The following TSPAN16 variants were observed in gnomAD, a reference collection of about 807,000 sequenced individuals.
The protein encoded by TSPAN16 is tetraspanin-16.
Under a neutral mutation model 25.2 loss-of-function variants are expected in TSPAN16, and 23 were observed. The observed-to-expected ratio is 0.91, with a 90% CI of 0.66 to 1.29. The LOEUF is 1.29. Ranked by LOEUF, TSPAN16 falls within the 50% of genes most tolerant of loss-of-function variation. The pLI is 0.00. For missense variants in TSPAN16, 272 were observed against 299.9 expected (o/e 0.91, Z 0.69); for synonymous variants, 123 against 124.4 (o/e 0.99, Z 0.08).
Position 11,312,031 on chromosome 19 carries a change from A to G in TSPAN16, c.604-108A>G, listed in dbSNP as rs2080697338. ...CACGGCTCTCTCCCCGCTTCTCCTC[A>G]AAGAATCTGAGAGTCGTCTGAGTGG... is the stretch of plus-strand genomic sequence containing the variant. On this transcript the variant is annotated intron_variant, in intron 5 of 6. Transcript: ENST00000590327. 7 of 807,544 alleles carry G rather than the reference A, an allele frequency of 8.7e-6. No individual in the cohort carries two copies. In the East Asian group the frequency reaches 1.6e-4, roughly 19 times the overall value. The allele number at this position is 807,544 out of a possible 1,614,324, so 50.0% of individuals were successfully genotyped here. A position where few individuals can be genotyped will look rare whatever the true frequency, so the allele number is the denominator to read the frequency against.
chr19:11,314,804 G>A (rs1001299958), intron 6 of TSPAN16, among the ~76,000 whole-genome samples: 3 of 152,070 alleles, frequency 2.0e-5, no homozygotes, highest in Non-Finnish European at 4.4e-5. Context: ...GGGAGGAAGT[G>A]GGGAAGGAAT....
chr19:11,324,348 T>C (rs551418785), intron 6 of TSPAN16: 8 of 151,852 alleles, frequency 5.3e-5, no homozygotes, highest in Non-Finnish European at 7.4e-5. Context: ...GAAATGGACA[T>C]TGGGTCTTGA....
chr19:11,306,591 C>T lies in TSPAN16; in HGVS notation c.451-13C>T. On this transcript the variant is annotated splice_polypyrimidine_tract_variant and intron_variant, in intron 4 of 6. Coordinates refer to ENST00000590327, the MANE Select transcript of TSPAN16 (RefSeq NM_001282509.2). ...GAAAGGGACTCTCCAAGTATTTCTT[C>T]TCCTCTCTATAGCTAAAGTGCTGTG... is the stretch of plus-strand genomic sequence containing the variant. 3.1e-6 allele frequency: 5 copies of T among 1,612,432 alleles called. No homozygotes were observed. The highest frequency in any genetic ancestry group is 4.2e-6 in the Non-Finnish European group (5 of 1,179,792).
downstream of TSPAN16, among the ~76,000 whole-genome samples, chr19:11,319,694 G>C (rs1489699569): frequency 6.6e-6 from 1 of 152,184 alleles, no homozygotes; most frequent in East Asian, 1.9e-4. Flanking sequence ...CAATGTGTGG[G>C]GGATGGTGTG....
intron 6 of TSPAN16, 71 bp from the exon 7 acceptor site, chr19:11,315,720 G>A (rs966876951): frequency 8.5e-6 from 10 of 1,169,632 alleles, no homozygotes; most frequent in African/African-American, 4.8e-5. Flanking sequence ...CCTTGTCCCC[G>A]TAACTCCAGT....
In TSPAN16 at chr19:11,306,696, A is replaced by G. The variant is rs138305599; in HGVS notation, c.543A>G (p.Lys181=). 2.7e-4 allele frequency: 431 copies of G among 1,614,072 alleles called. 1 individual carries two copies. The African/African-American group carries it at 5.1e-3, about 19-fold the overall frequency. ...TGHTYPRSCC[K]SIGSVSCDGR... ...ACACCTACCCCAGGAGTTGCTGTAA[A>G]TCCATCGGAAGTGTGTCCTGTGACG... Residue 181 remains lysine (K), a synonymous_variant, in exon 5 of 7, where the codon AAA becomes AAG. Coordinates refer to ENST00000590327, the MANE Select transcript of TSPAN16 (RefSeq NM_001282509.2).
intron 6 of TSPAN16, among the ~76,000 whole-genome samples, chr19:11,315,425 C>T (rs1174855318): frequency 2.0e-5 from 3 of 146,436 alleles, no homozygotes; most frequent in Admixed American, 6.8e-5. Flanking sequence ...GGCGTGGTGG[C>T]GGCCGCCTGT....
rs2080699590 is a variant in TSPAN16, at chr19:11,312,208, G to A, written c.673G>A (p.Ala225Thr). 6.2e-7 allele frequency: 1 copy of A among 1,611,724 alleles called. No individual in the cohort carries two copies. ...CACCCTGAGTGGGAGCTCTCTGGGA[G>A]CTGCAGTGATACAGGTAAGACCCAG... ...SFTLSGSSLG[A>T]AVIQLPGILA... The change falls in exon 6 of 7, where the codon GCT (alanine) becomes ACT (threonine). Residue 225 changes from alanine (A) to threonine (T), a missense_variant. Transcript: ENST00000590327.
chr19:11,305,726 C>T (rs2080619157), intron 4 of TSPAN16, among the ~76,000 whole-genome samples: 1 of 151,740 alleles, frequency 6.6e-6, no homozygotes, highest in Non-Finnish European at 1.5e-5. Context: ...TGTAGCCAGG[C>T]GTGATGGCCT....
chr19:11,298,117 T>C, intron 1 of TSPAN16, 25 bp from the exon 2 acceptor site: 1 of 1,612,474 alleles, frequency 6.2e-7, no homozygotes, highest in Non-Finnish European at 8.5e-7. Context: ...ATTACTTTTC[T>C]TCCTTTCTGG....
chr19:11,310,010 C>T (rs2080672506), intron 5 of TSPAN16, among the ~76,000 whole-genome samples: 1 of 151,834 alleles, frequency 6.6e-6, no homozygotes, highest in Non-Finnish European at 1.5e-5. Flanking sequence ...GAGGCTGACG[C>T]AGGAGGATTG....
chr19:11,315,400 CA>C, intron 6 of TSPAN16, among the ~76,000 whole-genome samples: 1 of 146,846 alleles, frequency 6.8e-6, no homozygotes. Context: ...TACTAAAATA[CA>C]AAAAAATTAG....
At chr19:11,319,431 C>T (rs2080764877), downstream of TSPAN16, among the ~76,000 whole-genome samples, 1 of 152,094 alleles carries the variant, frequency 6.6e-6, no homozygotes, top group Non-Finnish European at 1.5e-5. Context: ...AACCCCGTCT[C>T]TACTAAAAAT....
In TSPAN16 at chr19:11,296,321, T is replaced by G. The variant is rs1392143778; in HGVS notation, c.24T>G (p.Tyr8Ter). 2 of 1,614,232 alleles carry G rather than the reference T, an allele frequency of 1.2e-6. No homozygotes were observed. Among genetic ancestry groups the G allele is most frequent in the South Asian group, 2.2e-5 (2 of 91,080 alleles). Reference protein sequence around the residue: MAEIHTPYSSLKKLLSLL... With the variant: MAEIHTP The stretch of plus-strand genomic sequence containing the variant: ...GCATGGCTGAAATCCACACTCCGTA[T>G]TCTTCCTTGAAGAAACTGTTATCTT... The change falls in exon 1 of 7, where the codon TAT becomes TAG. Residue 8 changes from tyrosine (Y) to a stop codon, truncating the protein, a stop_gained. Coordinates refer to ENST00000590327, the MANE Select transcript of TSPAN16 (RefSeq NM_001282509.2). LOFTEE classifies it high-confidence loss of function.
chr19:11,313,435 G>A (rs2080714301), intron 6 of TSPAN16, among the ~76,000 whole-genome samples: 1 of 151,742 alleles, frequency 6.6e-6, no homozygotes, highest in East Asian at 1.9e-4. Context: ...GCTGAGGCAG[G>A]AGAATCGCTT....
intron 6 of TSPAN16, among the ~76,000 whole-genome samples, chr19:11,313,400 T>C (rs946075820): frequency 6.6e-6 from 1 of 151,634 alleles, no homozygotes; most frequent in Non-Finnish European, 1.5e-5. Flanking sequence ...TAATCTCAGC[T>C]GAGATTACAG....
intron 4 of TSPAN16, among the ~76,000 whole-genome samples, chr19:11,303,399 TCC>T (rs2080588106): frequency 2.0e-5 from 3 of 146,552 alleles, no homozygotes; most frequent in Admixed American, 1.4e-4. Flanking sequence ...AATCTCAAGT[TCC>T]CAGGGACACA....
At chr19:11,311,098 G>GCCGTTC (rs2080686018) in intron 5 of TSPAN16, among the ~76,000 whole-genome samples, 2 of 152,088 alleles carry the variant, frequency 1.3e-5, no homozygotes, top group African/African-American at 4.8e-5. Flanking sequence ...CGGCCTCTCA[G>GCCGTTC]AGTTCTGGGA....
intron 4 of TSPAN16, among the ~76,000 whole-genome samples, chr19:11,306,368 A>AT (rs1003845208): frequency 1.3e-5 from 2 of 151,598 alleles, no homozygotes; most frequent in African/African-American, 2.4e-5. Flanking sequence ...TAATTTTTAA[A>AT]TTTTTTTGCC....
Sources: gnomAD v4.1 joint callset for allele counts (sites outside exome capture counted in the v4.1 genomes callset) on GRCh38, gnomAD v4.1.1 for gene constraint, MANE v1.5 for transcripts, NCBI Gene and HGNC (gene_info 2026-07-23, HGNC 2026-07-21) for gene names.